The following UBE3C variants were observed in gnomAD, a reference collection of about 807,000 sequenced individuals.
The protein encoded by UBE3C is ubiquitin protein ligase E3C.
In UBE3C, 42 loss-of-function variants were observed where a neutral mutation model predicts 129.4. The ratio of observed to expected loss-of-function variants is 0.32; its 90% CI spans 0.25 to 0.42. The LOEUF (loss-of-function observed/expected upper bound fraction) is 0.42, where lower values mean the gene tolerates loss of function less well. Ranked by LOEUF, UBE3C falls within the 10% of genes least tolerant of loss-of-function variation. The pLI is 1.00. For synonymous variants in UBE3C, 510 were observed against 492.4 expected (o/e 1.04, Z -0.47); for missense variants, 1,049 against 1,319.1 (o/e 0.80, Z 3.17).
intron 1 of UBE3C, among the ~76,000 whole-genome samples, chr7:157,146,621 C>G (rs539286227): frequency 3.3e-5 from 5 of 152,186 alleles, no homozygotes; most frequent in Non-Finnish European, 7.4e-5. Context: ...TGTAACAGAT[C>G]TGTAGTAAAC....
intron 1 of UBE3C, among the ~76,000 whole-genome samples, chr7:157,145,391 G>A (rs1807576939): frequency 6.6e-6 from 1 of 151,920 alleles, no homozygotes; most frequent in Non-Finnish European, 1.5e-5. Flanking sequence ...GGTGACAGGT[G>A]CCTGTAATTG....
chr7:157,143,349 CAAAA>C (rs1028016103), intron 1 of UBE3C, among the ~76,000 whole-genome samples: 1 of 152,036 alleles, frequency 6.6e-6, no homozygotes, highest in Non-Finnish European at 1.5e-5. Context: ...GTAGGCAAAA[CAAAA>C]AGAAACAAAA....
At chr7:157,188,839 A>T (rs576486655) in intron 10 of UBE3C, 1 of 436,850 alleles carries the variant, frequency 2.3e-6, no homozygotes, top group Non-Finnish European at 4.1e-6. Flanking sequence ...GATGATTAGT[A>T]TATTCCCAGG....
Position 157,220,670 on chromosome 7 carries a change from C to G in UBE3C, c.1915-19C>G. 1.9e-6 allele frequency: 3 copies of G among 1,613,880 alleles called. No individual in the cohort carries two copies. The highest frequency in any genetic ancestry group is 1.7e-6 in the Non-Finnish European group (2 of 1,179,846). On this transcript the variant is annotated intron_variant, in intron 14 of 22. Coordinates refer to ENST00000348165, the MANE Select transcript of UBE3C (RefSeq NM_014671.3). ...TGCTAGAGCACAGGGGAGTTCTGAA[C>G]CAGGATTGCCCCCGACAGGTCACTC...
intron 18 of UBE3C, among the ~76,000 whole-genome samples, chr7:157,244,215 T>C (rs949220366): frequency 4.6e-5 from 7 of 152,054 alleles, no homozygotes; most frequent in Non-Finnish European, 1.0e-4. Context: ...GCCTGGGCGA[T>C]AGAGTGAAAC....
At chr7:157,264,504 T>C (rs1198131904) in intron 22 of UBE3C, among the ~76,000 whole-genome samples, 2 of 137,310 alleles carry the variant, frequency 1.5e-5, no homozygotes, top group Non-Finnish European at 3.1e-5. Flanking sequence ...TGCGCCAACA[T>C]GCTCGGCCTG....
At chr7:157,255,474 TA>T (rs1410890206) in intron 21 of UBE3C, among the ~76,000 whole-genome samples, 1 of 152,218 alleles carries the variant, frequency 6.6e-6, no homozygotes, top group Non-Finnish European at 1.5e-5. Context: ...ATCTGAAGTC[TA>T]ATCTTTATGT....
intron 8 of UBE3C, among the ~76,000 whole-genome samples, chr7:157,183,335 T>C (rs1370149375): frequency 6.6e-6 from 1 of 152,112 alleles, no homozygotes; most frequent in Admixed American, 6.5e-5. Context: ...CTCCTTGGGA[T>C]TGGTAATTGA....
At chr7:157,248,826 A>G (rs1796546355) in intron 19 of UBE3C, among the ~76,000 whole-genome samples, 1 of 151,828 alleles carries the variant, frequency 6.6e-6, no homozygotes, top group African/African-American at 2.4e-5. Context: ...GCGGAGCTCC[A>G]CTCTCGAGGC....
intron 1 of UBE3C, among the ~76,000 whole-genome samples, chr7:157,149,236 T>C (rs7784779): frequency 0.058 from 8,850 of 152,068 alleles, 612 homozygotes; most frequent in African/African-American, 0.17. Flanking sequence ...TTTCTATTTT[T>C]AGTAGAGATG....
intron 21 of UBE3C, among the ~76,000 whole-genome samples, chr7:157,254,774 C>G (rs1796705147): frequency 6.6e-6 from 1 of 152,074 alleles, no homozygotes; most frequent in South Asian, 2.1e-4. Flanking sequence ...AGTGCAGTGG[C>G]TCACGCCTGT....
At chr7:157,174,107 A>C (rs1808451567) in intron 4 of UBE3C, among the ~76,000 whole-genome samples, 1 of 152,180 alleles carries the variant, frequency 6.6e-6, no homozygotes, top group South Asian at 2.1e-4. Flanking sequence ...TCACGTGTAT[A>C]ATCCCAGCGC....
intron 1 of UBE3C, among the ~76,000 whole-genome samples, chr7:157,160,378 T>A (rs1187708412): frequency 6.6e-6 from 1 of 152,226 alleles, no homozygotes; most frequent in Non-Finnish European, 1.5e-5. Flanking sequence ...GCAGCCACTT[T>A]CAAATTTAAC....
At chr7:157,139,580 C>T (rs1807371332) in intron 1 of UBE3C, among the ~76,000 whole-genome samples, 1 of 152,068 alleles carries the variant, frequency 6.6e-6, no homozygotes, top group Non-Finnish European at 1.5e-5. Flanking sequence ...TAGGACTGGA[C>T]TCGGGGCCTC....
intron 19 of UBE3C, among the ~76,000 whole-genome samples, chr7:157,253,511 C>T (rs1177942885): frequency 6.6e-6 from 1 of 152,210 alleles, no homozygotes; most frequent in Non-Finnish European, 1.5e-5. Context: ...TGGAAGCACA[C>T]AGGTAAGTGT....
intron 18 of UBE3C, among the ~76,000 whole-genome samples, chr7:157,234,733 G>A (rs6977962): frequency 0.34 from 51,007 of 152,034 alleles, 11,605 homozygotes; most frequent in African/African-American, 0.64. Flanking sequence ...CAGGCTCACC[G>A]TATTTCAGGT....
At chr7:157,235,826 C>A (rs55904424) in intron 18 of UBE3C, among the ~76,000 whole-genome samples, 9,483 of 152,220 alleles carry the variant, frequency 0.062, 724 homozygotes, top group African/African-American at 0.18. Context: ...CAAAACATAT[C>A]TGATGACCAT....
chr7:157,172,278 C>G (rs1475337252), intron 4 of UBE3C, among the ~76,000 whole-genome samples: 1 of 152,120 alleles, frequency 6.6e-6, no homozygotes, highest in Non-Finnish European at 1.5e-5. Flanking sequence ...AAGTGATCCA[C>G]TTGCTTTGAC....
chr7:157,198,063 C>T (rs1809173396), intron 10 of UBE3C: 1 of 1,610,424 alleles, frequency 6.2e-7, no homozygotes, highest in East Asian at 2.2e-5. Context: ...GGGGATCTCT[C>T]CTCTTTTAAC....
Sources: allele counts gnomAD v4.1 joint callset (sites outside exome capture counted in the v4.1 genomes callset), GRCh38; gene constraint gnomAD v4.1.1; transcripts MANE v1.5; gene names NCBI Gene and HGNC (gene_info 2026-07-23, HGNC 2026-07-21).